The following IQSEC1 variants were observed in gnomAD, a reference collection of about 807,000 sequenced individuals.
The protein encoded by IQSEC1 is IQ motif and SEC7 domain-containing protein 1.
A neutral mutation model predicts 91.0 loss-of-function variants in IQSEC1; 31 were observed. The ratio of observed to expected loss-of-function variants is 0.34; its 90% CI spans 0.26 to 0.46. The LOEUF (loss-of-function observed/expected upper bound fraction) is 0.46, where lower values mean the gene tolerates loss of function less well. Among genes scored for constraint, IQSEC1 ranks in the 20% least tolerant of loss-of-function variants. The pLI is 1.00. For missense variants in IQSEC1, 1,388 were observed against 1,575.6 expected (o/e 0.88, Z 2.02); for synonymous variants, 699 against 662.6 (o/e 1.05, Z -0.84).
At chr3:12,947,730 C>T (rs1268865375) in intron 1 of IQSEC1, among the ~76,000 whole-genome samples, 1 of 152,222 alleles carries the variant, frequency 6.6e-6, no homozygotes, top group African/African-American at 2.4e-5. Flanking sequence ...GATGCATCCA[C>T]ACTCTGCCCC....
rs1355852046 is a variant in IQSEC1, at chr3:12,899,290, A to ACGCGGCCC, written c.*1685_*1692dup. 3.0e-6 allele frequency: 4 copies of ACGCGGCCC among 1,330,132 alleles called. No individual in the cohort carries two copies. Among genetic ancestry groups the ACGCGGCCC allele is most frequent in the South Asian group, 1.3e-5 (1 of 79,496 alleles). The allele number at this position is 1,330,132 out of a possible 1,614,324, so 82.4% of individuals were successfully genotyped here. ...CGGCTCACCACGCTGTCCACTGGGA[A>ACGCGGCCC]CGCGGCCCCGCGGCCCGCAGAGTCA... On this transcript the variant is annotated 3_prime_UTR_variant, in exon 14 of 14. Coordinates refer to ENST00000613206, the MANE Select transcript of IQSEC1 (RefSeq NM_001134382.3).
At chr3:13,257,120 C>A (rs1695302583) in intron 1 of IQSEC1, among the ~76,000 whole-genome samples, 1 of 152,148 alleles carries the variant, frequency 6.6e-6, no homozygotes, top group South Asian at 2.1e-4. Context: ...GCCAGGCACG[C>A]AGTGAGGGTC....
intron 1 of IQSEC1, chr3:13,015,598 G>A (rs749629805): frequency 8.1e-5 from 80 of 985,234 alleles, no homozygotes; most frequent in Non-Finnish European, 9.6e-5. Flanking sequence ...TGGAGGGGGC[G>A]GAGGTGTCCC....
At chr3:12,958,746 T>TA (rs1442617697) in intron 1 of IQSEC1, among the ~76,000 whole-genome samples, 1 of 152,188 alleles carries the variant, frequency 6.6e-6, no homozygotes, top group Non-Finnish European at 1.5e-5. Flanking sequence ...TTTTGGCTTC[T>TA]AAGCCAACTA....
chr3:13,252,881 C>T (rs1439938770), intron 1 of IQSEC1, among the ~76,000 whole-genome samples: 4 of 152,094 alleles, frequency 2.6e-5, no homozygotes, highest in Admixed American at 6.6e-5. Flanking sequence ...CACAGGCACC[C>T]GCCACCACTC....
intron 1 of IQSEC1, among the ~76,000 whole-genome samples, chr3:13,277,791 C>T (rs903340922): frequency 2.6e-5 from 4 of 152,278 alleles, no homozygotes; most frequent in South Asian, 2.1e-4. Flanking sequence ...AGAAAAGAGC[C>T]CTCTCGGCCT....
At chr3:13,072,746 C>G (rs462825) in intron 1 of IQSEC1, among the ~76,000 whole-genome samples, 112,405 of 152,208 alleles carry the variant, frequency 0.74, 41,604 homozygotes, top group African/African-American at 0.78. Flanking sequence ...CCTGCTCTCA[C>G]AGTTGGGAAT....
chr3:13,065,236 G>T (rs530287528), intron 1 of IQSEC1, among the ~76,000 whole-genome samples: 3 of 152,318 alleles, frequency 2.0e-5, no homozygotes, highest in African/African-American at 7.2e-5. Flanking sequence ...AAACTAAACT[G>T]CTCTGTGTCA....
At chr3:13,088,633 T>A (rs1340248466) in intron 2 of IQSEC1, among the ~76,000 whole-genome samples, 2 of 152,000 alleles carry the variant, frequency 1.3e-5, no homozygotes, top group Non-Finnish European at 2.9e-5. Context: ...CTCAGTACCC[T>A]CCCGGGGACC....
chr3:13,280,586 C>G (rs1453749798), intron 1 of IQSEC1, among the ~76,000 whole-genome samples: 1 of 152,200 alleles, frequency 6.6e-6, no homozygotes, highest in Admixed American at 6.5e-5. Context: ...AGGGAACCCA[C>G]CCACAGCTCC....
intron 1 of IQSEC1, among the ~76,000 whole-genome samples, chr3:13,176,500 T>C (rs147310665): frequency 6.6e-6 from 1 of 152,282 alleles, no homozygotes; most frequent in East Asian, 1.9e-4. Context: ...GGTCTCTCTC[T>C]CACCAACCAG....
chr3:12,907,515 C>T (rs1457740669), intron 12 of IQSEC1, among the ~76,000 whole-genome samples: 5 of 152,292 alleles, frequency 3.3e-5, no homozygotes, highest in South Asian at 2.1e-4. Flanking sequence ...GACTGTTCGG[C>T]GGAGGGCGGC....
intron 1 of IQSEC1, among the ~76,000 whole-genome samples, chr3:13,200,712 C>T (rs1253919000): frequency 6.6e-6 from 1 of 152,178 alleles, no homozygotes; most frequent in African/African-American, 2.4e-5. Flanking sequence ...GCAGGGAGGG[C>T]GAGCAAGCTG....
At chr3:13,036,174 C>T (rs755273694) in intron 1 of IQSEC1, among the ~76,000 whole-genome samples, 24 of 152,140 alleles carry the variant, frequency 1.6e-4, no homozygotes, top group African/African-American at 4.8e-4. Flanking sequence ...ATAACAACCG[C>T]GACAGTTACA....
At chr3:13,224,609 A>G (rs1249018629) in intron 1 of IQSEC1, among the ~76,000 whole-genome samples, 1 of 151,910 alleles carries the variant, frequency 6.6e-6, no homozygotes, top group African/African-American at 2.4e-5. Context: ...TTGGGGTTCG[A>G]CTTGACGTTC....
At chr3:13,121,432 G>A (rs1024686619) in intron 2 of IQSEC1, among the ~76,000 whole-genome samples, 6 of 152,176 alleles carry the variant, frequency 3.9e-5, no homozygotes, top group South Asian at 2.1e-4. Context: ...ACAGAACAGC[G>A]GCTCGGTGGT....
chr3:12,975,434 C>G (rs1184129698), intron 1 of IQSEC1, among the ~76,000 whole-genome samples: 1 of 152,210 alleles, frequency 6.6e-6, no homozygotes, highest in African/African-American at 2.4e-5. Flanking sequence ...CAGTCTGGAC[C>G]AGGCACTTTA....
At chr3:13,169,216 G>C (rs1001617426) in intron 1 of IQSEC1, among the ~76,000 whole-genome samples, 5 of 152,160 alleles carry the variant, frequency 3.3e-5, no homozygotes, top group African/African-American at 1.2e-4. Context: ...TAGTGAATAA[G>C]TACCATGAGA....
intron 1 of IQSEC1, among the ~76,000 whole-genome samples, chr3:13,204,329 A>C (rs1694301427): frequency 1.3e-5 from 2 of 152,274 alleles, no homozygotes; most frequent in Non-Finnish European, 2.9e-5. Context: ...TCCCCCGATG[A>C]TCCCAGCCAA....
Sources: gnomAD v4.1 joint callset for allele counts (sites outside exome capture counted in the v4.1 genomes callset) on GRCh38, gnomAD v4.1.1 for gene constraint, MANE v1.5 for transcripts, NCBI Gene and HGNC (gene_info 2026-07-23, HGNC 2026-07-21) for gene names.